NAALADL2: variants seen among roughly 807,000 people sequenced by gnomAD.
The protein encoded by NAALADL2 is inactive N-acetylated-alpha-linked acidic dipeptidase-like protein 2.
Under a neutral mutation model 87.2 loss-of-function variants are expected in NAALADL2, and 76 were observed. The ratio of observed to expected loss-of-function variants is 0.87; its 90% confidence interval spans 0.72 to 1.05. The LOEUF (loss-of-function observed/expected upper bound fraction) is 1.05, where lower values mean the gene tolerates loss of function less well. Among genes scored for constraint, NAALADL2 ranks in the 50% least tolerant of loss-of-function variants. The pLI is 0.00. For missense variants in NAALADL2, 1,089 were observed against 945.8 expected (o/e 1.15, Z -1.99); for synonymous variants, 354 against 331.0 (o/e 1.07, Z -0.75).
chr3:175,666,424 G>A (rs888765910), intron 11 of NAALADL2, among the ~76,000 whole-genome samples: 2 of 152,086 alleles, frequency 1.3e-5, no homozygotes, highest in Non-Finnish European at 2.9e-5. Context: ...TGTTGTCTCT[G>A]TTTTATCACT....
chr3:175,234,587 T>C (rs1745511801), intron 3 of NAALADL2, among the ~76,000 whole-genome samples: 1 of 152,128 alleles, frequency 6.6e-6, no homozygotes, highest in Non-Finnish European at 1.5e-5. Context: ...ACAAAAGAAA[T>C]TAAGTGGAAA....
intron 1 of NAALADL2, among the ~76,000 whole-genome samples, chr3:174,875,543 AATG>A (rs1166647642): frequency 6.6e-6 from 1 of 152,294 alleles, no homozygotes; most frequent in East Asian, 1.9e-4. Context: ...ACAGCATTAA[AATG>A]ATTTCTAAAG....
chr3:174,970,186 A>G (rs1481125419), intron 1 of NAALADL2, among the ~76,000 whole-genome samples: 3 of 152,230 alleles, frequency 2.0e-5, no homozygotes, highest in Admixed American at 6.5e-5. Context: ...GATTGATTGT[A>G]TTATTCAGTT....
Position 175,020,284 on chromosome 3 carries a change from T to C in NAALADL2, c.44-76506T>C, listed in dbSNP as rs141734064. On this transcript the variant is annotated intron_variant, in intron 1 of 13. Coordinates refer to ENST00000454872, the MANE Select transcript of NAALADL2 (RefSeq NM_207015.3). ...TTATTCACCAGTCAGCAAAGGGCAC[T>C]GATGTTACAATTAATGATGCGATCT... Among the ~76,000 whole-genome samples the C allele has an allele frequency of 5.5e-4, 83 of 152,206 alleles. 1 individual carries two copies. In the East Asian group the frequency reaches 0.015, roughly 28 times the overall value.
chr3:175,435,363 A>C (rs73033672), intron 5 of NAALADL2, among the ~76,000 whole-genome samples: 1 of 151,978 alleles, frequency 6.6e-6, no homozygotes, highest in South Asian at 2.1e-4. Flanking sequence ...GTTTGAAAAT[A>C]TATTCTCATA....
At chr3:174,836,533 C>A (rs55649394) in intron 3 of NAALADL2, among the ~76,000 whole-genome samples, 13 of 151,924 alleles carry the variant, frequency 8.6e-5, no homozygotes, top group Non-Finnish European at 1.6e-4. Context: ...AACCCCTTCT[C>A]TACTAAAAAT....
chr3:175,284,380 C>T (rs1401065054), intron 4 of NAALADL2, among the ~76,000 whole-genome samples: 1 of 151,838 alleles, frequency 6.6e-6, no homozygotes, highest in Non-Finnish European at 1.5e-5. Flanking sequence ...TGAAATATTT[C>T]ATTTTCTTAT....
At chr3:174,851,362 T>TAA (rs34003047) in intron 3 of NAALADL2, among the ~76,000 whole-genome samples, 9,370 of 107,460 alleles carry the variant, frequency 0.087, 384 homozygotes, top group Non-Finnish European at 0.099. Flanking sequence ...TCAGCCAGAC[T>TAA]AAAAAAAAAA....
intron 4 of NAALADL2, among the ~76,000 whole-genome samples, chr3:175,275,023 C>T (rs1174762935): frequency 1.3e-5 from 2 of 152,080 alleles, no homozygotes; most frequent in Non-Finnish European, 2.9e-5. Flanking sequence ...CTCATTATTT[C>T]ACCTTATTAT....
chr3:175,314,337 A>G (rs999828633), intron 4 of NAALADL2, among the ~76,000 whole-genome samples: 69 of 151,392 alleles, frequency 4.6e-4, no homozygotes, highest in Admixed American at 2.6e-4. Context: ...ATTTATAAAA[A>G]TATGTCAGCA....
chr3:175,064,032 T>C (rs1312117004), intron 1 of NAALADL2, among the ~76,000 whole-genome samples: 1 of 152,018 alleles, frequency 6.6e-6, no homozygotes, highest in Non-Finnish European at 1.5e-5. Flanking sequence ...CAATGTGAAG[T>C]TCAGAAATCC....
At chr3:174,969,942 T>C (rs904172340) in intron 1 of NAALADL2, among the ~76,000 whole-genome samples, 19 of 152,078 alleles carry the variant, frequency 1.2e-4, no homozygotes, top group Non-Finnish European at 5.9e-5. Flanking sequence ...GTAAGAAAAA[T>C]ATGTCATGTG....
intron 1 of NAALADL2, among the ~76,000 whole-genome samples, chr3:174,987,365 C>G (rs989838216): frequency 8.0e-5 from 12 of 150,756 alleles, no homozygotes; most frequent in African/African-American, 2.4e-5. Context: ...GTCAGGAGAT[C>G]GAGACCATCC....
At chr3:175,607,730 T>G (rs933114897) in intron 10 of NAALADL2, among the ~76,000 whole-genome samples, 1 of 152,162 alleles carries the variant, frequency 6.6e-6, no homozygotes, top group Non-Finnish European at 1.5e-5. Flanking sequence ...AGACGTTGAC[T>G]CTTAATAAAG....
chr3:175,323,204 T>C (rs1443400924), intron 4 of NAALADL2, among the ~76,000 whole-genome samples: 4 of 150,446 alleles, frequency 2.7e-5, no homozygotes, highest in Non-Finnish European at 5.9e-5. Context: ...TGGATGAAGC[T>C]GGAAACCATC....
At chr3:174,517,107 G>A (rs948093499) in intron 1 of NAALADL2, among the ~76,000 whole-genome samples, 1 of 151,872 alleles carries the variant, frequency 6.6e-6, no homozygotes, top group Admixed American at 6.6e-5. Flanking sequence ...TGGTTACAAC[G>A]TAGGTTGTGA....
chr3:175,136,021 G>A (rs1230947743), intron 2 of NAALADL2, among the ~76,000 whole-genome samples: 1 of 152,142 alleles, frequency 6.6e-6, no homozygotes, highest in Non-Finnish European at 1.5e-5. Flanking sequence ...GGGAATATGG[G>A]CAAAAGCTTT....
chr3:174,799,767 T>C (rs558509437), intron 3 of NAALADL2, among the ~76,000 whole-genome samples: 7 of 152,100 alleles, frequency 4.6e-5, no homozygotes, highest in African/African-American at 1.2e-4. Context: ...GACAGGAAAA[T>C]GTGGGAAAGT....
chr3:175,134,736 A>G (rs1728838217), intron 2 of NAALADL2, among the ~76,000 whole-genome samples: 2 of 152,188 alleles, frequency 1.3e-5, no homozygotes, highest in Admixed American at 1.3e-4. Flanking sequence ...ATAACTTAAA[A>G]TTCAAGACTA....
Sources: allele counts gnomAD v4.1 joint callset (sites outside exome capture counted in the v4.1 genomes callset), GRCh38; gene constraint gnomAD v4.1.1; transcripts MANE v1.5; gene names NCBI Gene and HGNC (gene_info 2026-07-23, HGNC 2026-07-21).